The following LRRTM4 variants were observed in gnomAD, a reference collection of about 807,000 sequenced individuals.
LRRTM4 encodes leucine rich repeat transmembrane neuronal 4, also known as leucine-rich repeat transmembrane neuronal protein 4.
In LRRTM4, 25 loss-of-function variants were observed where a neutral mutation model predicts 47.6. The ratio of observed to expected loss-of-function variants is 0.53; its 90% CI spans 0.38 to 0.73. The LOEUF is 0.73. Among genes scored for constraint, LRRTM4 ranks in the 30% least tolerant of loss-of-function variants. The probability of loss-of-function intolerance (pLI) is 0.00; values close to 1 mark genes in which losing one functional copy is unlikely to be tolerated. For missense variants in LRRTM4, 638 were observed against 713.4 expected (o/e 0.89, Z 1.20); for synonymous variants, 311 against 269.5 (o/e 1.15, Z -1.51).
chr2:77,071,663 T>A (rs1171794725), intron 3 of LRRTM4, among the ~76,000 whole-genome samples: 1 of 152,206 alleles, frequency 6.6e-6, no homozygotes, highest in South Asian at 2.1e-4. Flanking sequence ...TCTAATCACA[T>A]AAAAATTATG....
intron 3 of LRRTM4, among the ~76,000 whole-genome samples, chr2:77,357,086 A>T (rs1393891359): frequency 6.6e-6 from 1 of 152,166 alleles, no homozygotes; most frequent in Admixed American, 6.5e-5. Flanking sequence ...TTATGAACTC[A>T]AACCAGATTA....
intron 3 of LRRTM4, among the ~76,000 whole-genome samples, chr2:76,952,226 A>G (rs1168591555): frequency 6.6e-6 from 1 of 152,034 alleles, no homozygotes; most frequent in African/African-American, 2.4e-5. Flanking sequence ...TGTTTGAATG[A>G]CATGTATTTC....
At chr2:76,795,422 C>G (rs2103737096) in intron 3 of LRRTM4, among the ~76,000 whole-genome samples, 1 of 128,122 alleles carries the variant, frequency 7.8e-6, no homozygotes, top group East Asian at 2.2e-4. Flanking sequence ...AGATTTTTTA[C>G]TGTCATTATT....
intron 3 of LRRTM4, among the ~76,000 whole-genome samples, chr2:76,862,917 G>A (rs1265715130): frequency 1.3e-5 from 2 of 152,270 alleles, no homozygotes; most frequent in Middle Eastern, 3.4e-3. Context: ...AGCAACATAT[G>A]TATATTGTCT....
intron 3 of LRRTM4, among the ~76,000 whole-genome samples, chr2:76,869,354 G>C (rs1672558354): frequency 2.0e-5 from 3 of 152,038 alleles, no homozygotes; most frequent in Non-Finnish European, 4.4e-5. Flanking sequence ...TCCAGTGGCA[G>C]GTTGAAGAGG....
chr2:76,988,758 AC>A (rs1676898108), intron 3 of LRRTM4, among the ~76,000 whole-genome samples: 2 of 121,564 alleles, frequency 1.6e-5, no homozygotes, highest in Admixed American at 9.2e-5. Context: ...CTCCACCCCC[AC>A]CCACCCCATT....
At chr2:77,364,090 A>T (rs1325650208) in intron 3 of LRRTM4, among the ~76,000 whole-genome samples, 2 of 151,700 alleles carry the variant, frequency 1.3e-5, no homozygotes, top group Non-Finnish European at 2.9e-5. Context: ...CTCTCTTCTC[A>T]ACCATATATT....
chr2:77,244,336 G>A (rs918878770), intron 3 of LRRTM4, among the ~76,000 whole-genome samples: 2 of 151,254 alleles, frequency 1.3e-5, no homozygotes, highest in African/African-American at 4.9e-5. Flanking sequence ...GATCCCTGAG[G>A]AATCGCCACA....
intron 3 of LRRTM4, among the ~76,000 whole-genome samples, chr2:77,044,698 T>A (rs1431129633): frequency 6.6e-6 from 1 of 151,666 alleles, no homozygotes; most frequent in African/African-American, 2.4e-5. Context: ...AAAATATATA[T>A]ATACACCATA....
intron 3 of LRRTM4, among the ~76,000 whole-genome samples, chr2:76,957,180 G>C (rs952264398): frequency 2.0e-5 from 3 of 151,646 alleles, no homozygotes; most frequent in Non-Finnish European, 3.0e-5. Flanking sequence ...AAAAATGCAT[G>C]ATTTTCCTTA....
chr2:76,905,447 C>T (rs931065253), intron 3 of LRRTM4, among the ~76,000 whole-genome samples: 2 of 152,154 alleles, frequency 1.3e-5, no homozygotes, highest in African/African-American at 4.8e-5. Flanking sequence ...GAGCACCTCT[C>T]CTCCTCCAAA....
At chr2:76,815,513 G>A (rs776733834) in intron 3 of LRRTM4, among the ~76,000 whole-genome samples, 19 of 152,092 alleles carry the variant, frequency 1.2e-4, no homozygotes, top group Admixed American at 3.9e-4. Flanking sequence ...CTGGATACCT[G>A]GAATGGCTTA....
At chr2:77,038,887 G>A (rs1678932987) in intron 3 of LRRTM4, among the ~76,000 whole-genome samples, 1 of 151,450 alleles carries the variant, frequency 6.6e-6, no homozygotes, top group African/African-American at 2.4e-5. Context: ...AAATGTATGA[G>A]TTTAGAGACC....
chr2:77,003,448 G>GT (rs1463228568), intron 3 of LRRTM4, among the ~76,000 whole-genome samples: 2 of 152,164 alleles, frequency 1.3e-5, no homozygotes, highest in East Asian at 1.9e-4. Flanking sequence ...ATGCAGATGG[G>GT]TTTTTTCTCA....
At chr2:77,210,995 C>A (rs530368188) in intron 3 of LRRTM4, among the ~76,000 whole-genome samples, 8 of 151,930 alleles carry the variant, frequency 5.3e-5, no homozygotes, top group Admixed American at 5.2e-4. Context: ...AGTCACTGTA[C>A]GCTAATGACT....
chr2:77,204,303 T>C (rs77761082), intron 3 of LRRTM4, among the ~76,000 whole-genome samples: 2,316 of 152,218 alleles, frequency 0.015, 22 homozygotes, highest in Non-Finnish European at 0.022. Flanking sequence ...TGAAAATTTC[T>C]TGACTAAATC....
chr2:77,012,861 A>C (rs1677924795), intron 3 of LRRTM4, among the ~76,000 whole-genome samples: 2 of 152,220 alleles, frequency 1.3e-5, no homozygotes, highest in Non-Finnish European at 2.9e-5. Flanking sequence ...ATATAATACC[A>C]ATTTGTAATT....
intron 3 of LRRTM4, among the ~76,000 whole-genome samples, chr2:76,893,129 T>C (rs906151057): frequency 2.0e-5 from 3 of 151,200 alleles, no homozygotes; most frequent in African/African-American, 7.3e-5. Flanking sequence ...AAATCAACCA[T>C]CAAATGATAT....
intron 3 of LRRTM4, among the ~76,000 whole-genome samples, chr2:77,224,230 C>T (rs1222406341): frequency 6.6e-6 from 1 of 151,514 alleles, no homozygotes; most frequent in African/African-American, 2.4e-5. Flanking sequence ...TAAAGACTTA[C>T]ATGTTAGACC....
Sources: allele counts gnomAD v4.1 joint callset (sites outside exome capture counted in the v4.1 genomes callset), GRCh38; gene constraint gnomAD v4.1.1; transcripts MANE v1.5; gene names NCBI Gene and HGNC (gene_info 2026-07-23, HGNC 2026-07-21).